Variants in RNF170 observed in about 807,000 individuals in gnomAD.
The protein encoded by RNF170 is ring finger protein 170.
Under a neutral mutation model 32.7 loss-of-function variants are expected in RNF170, and 12 were observed. The observed-to-expected ratio is 0.37, with a 90% CI of 0.24 to 0.60. The LOEUF is 0.60. Among genes scored for constraint, RNF170 ranks in the 20% least tolerant of loss-of-function variants. The pLI is 0.72. For synonymous variants in RNF170, 91 were observed against 103.6 expected (o/e 0.88, Z 0.74); for missense variants, 212 against 311.2 (o/e 0.68, Z 2.40).
chr8:42,896,802 G>C (rs1242073823), upstream of RNF170: 1 of 149,538 alleles, frequency 6.7e-6, no homozygotes, highest in Non-Finnish European at 1.5e-5. Flanking sequence ...CGGCCGGGGC[G>C]CGAGCGTGCG....
At chr8:42,860,181 C>G (rs967374086) in intron 6 of RNF170, among the ~76,000 whole-genome samples, 1 of 152,182 alleles carries the variant, frequency 6.6e-6, no homozygotes, top group Non-Finnish European at 1.5e-5. Context: ...TCTACAGAGT[C>G]TGGAGCTCAG....
downstream of RNF170, chr8:42,851,095 A>G (rs1056067022): frequency 1.4e-5 from 21 of 1,496,092 alleles, no homozygotes; most frequent in African/African-American, 2.8e-5. Flanking sequence ...TGCTTCTTCA[A>G]CCTCACTTCA....
At chr8:42,885,658 C>G (rs1805756016) in intron 2 of RNF170, among the ~76,000 whole-genome samples, 1 of 152,150 alleles carries the variant, frequency 6.6e-6, no homozygotes, top group African/African-American at 2.4e-5. Flanking sequence ...TTGCATTTCC[C>G]TGGTGATTAG....
At position 42,854,382 on chromosome 8, in the gene RNF170, T is replaced by G. The variant is rs776705116; in HGVS notation, c.*1777A>C. On this transcript the variant is annotated 3_prime_UTR_variant, in exon 7 of 7. Coordinates refer to ENST00000527424, the MANE Select transcript of RNF170 (RefSeq NM_030954.4). ...TCAGTTATTTGTTGTATGACTTCAT[T>G]CAAAAACACTTTCATCAATAGCATG... 18 of 1,287,124 alleles carry G rather than the reference T, an allele frequency of 1.4e-5. 1 individual carries two copies. The South Asian group carries it at 2.2e-4, about 16-fold the overall frequency. The allele number at this position is 1,287,124 out of a possible 1,614,324, so 79.7% of individuals were successfully genotyped here.
chr8:42,858,292 T>C (rs1365278522), intron 6 of RNF170, among the ~76,000 whole-genome samples: 2 of 152,098 alleles, frequency 1.3e-5, no homozygotes, highest in Non-Finnish European at 2.9e-5. Context: ...TCCATAACAG[T>C]TGAAATCTAT....
Position 42,893,538 on chromosome 8 carries a change from A to C in RNF170, c.-8+2946T>G, listed in dbSNP as rs941745092. Among the ~76,000 whole-genome samples, 102 of 152,254 alleles carry C rather than the reference A, an allele frequency of 6.7e-4. 1 individual carries two copies. Among genetic ancestry groups the C allele is most frequent in the African/African-American group, 2.3e-3 (94 of 41,522 alleles). ...AAGGCATTAGGTTGAACCATATCAA[A>C]CTGCCACTCTTTTTTGGGGCGGGTG... On this transcript the variant is annotated intron_variant, in intron 1 of 6. Transcript: ENST00000527424.
At chr8:42,873,644 T>C (rs1253120555) in intron 3 of RNF170, among the ~76,000 whole-genome samples, 1 of 152,200 alleles carries the variant, frequency 6.6e-6, no homozygotes, top group Non-Finnish European at 1.5e-5. Context: ...TCTACTACAT[T>C]TCATTAAGGT....
chr8:42,861,717 A>C, intron 6 of RNF170, 28 bp downstream of exon 6: 1 of 1,509,934 alleles, frequency 6.6e-7, no homozygotes, highest in Non-Finnish European at 9.2e-7. Flanking sequence ...TCTTCCTCTA[A>C]CTTTGAACAT....
chr8:42,873,201 C>T (rs1284952398), intron 3 of RNF170, among the ~76,000 whole-genome samples: 1 of 151,398 alleles, frequency 6.6e-6, no homozygotes, highest in Non-Finnish European at 1.5e-5. Flanking sequence ...AGACTAATCC[C>T]AGCAATTTGT....
chr8:42,897,096 C>G, upstream of RNF170: 1 of 1,239,104 alleles, frequency 8.1e-7, no homozygotes, highest in Non-Finnish European at 1.0e-6. Context: ...CGGTGTCTGG[C>G]CAGGCGGTAG....
chr8:42,886,167 T>A (rs756452504), intron 2 of RNF170, among the ~76,000 whole-genome samples: 12 of 151,364 alleles, frequency 7.9e-5, no homozygotes, highest in Non-Finnish European at 1.6e-4. Flanking sequence ...GAGCTTGCAG[T>A]GAGCCGAGAT....
At chr8:42,850,907 C>G (rs1166801380), downstream of RNF170, 9 of 1,551,602 alleles carry the variant, frequency 5.8e-6, no homozygotes, top group Admixed American at 2.0e-5. Flanking sequence ...CTGCATCCGA[C>G]TGTACAGGCA....
chr8:42,871,909 G>A (rs1804552621), intron 3 of RNF170, among the ~76,000 whole-genome samples: 2 of 152,198 alleles, frequency 1.3e-5, no homozygotes, highest in Non-Finnish European at 2.9e-5. Flanking sequence ...TAACGGTGCT[G>A]TCCAACAGAA....
chr8:42,861,719 T>G, intron 6 of RNF170, 26 bp downstream of exon 6: 1 of 1,525,500 alleles, frequency 6.6e-7, no homozygotes, highest in Middle Eastern at 1.7e-4. Flanking sequence ...TTCCTCTAAC[T>G]TTGAACATGC....
chr8:42,872,528 C>T (rs1024883442), intron 3 of RNF170, among the ~76,000 whole-genome samples: 6 of 152,076 alleles, frequency 3.9e-5, no homozygotes, highest in African/African-American at 1.2e-4. Flanking sequence ...CTACAACCTC[C>T]GCCTCCCGGG....
In RNF170 at chr8:42,861,427, A is replaced by G. The variant is rs373189544; in HGVS notation, c.507+318T>C. Reference sequence around the variant, plus strand: ...GCGATCATGGCTCACTATAGCCTCAACCTCCTGGGCTCAGGTGATCCTCCC... The same window carrying G: ...GCGATCATGGCTCACTATAGCCTCAGCCTCCTGGGCTCAGGTGATCCTCCC... On this transcript the variant is annotated intron_variant, in intron 6 of 6. Transcript: ENST00000527424. The G allele has an allele frequency of 9.0e-5, 25 of 277,976 alleles. No homozygotes were observed. The East Asian group carries it at 1.1e-3, about 12-fold the overall frequency. 17.2% of individuals were successfully genotyped at this position (277,976 alleles called of 1,614,324 possible). A position where few individuals can be genotyped will look rare whatever the true frequency, so the allele number is the denominator to read the frequency against.
chr8:42,884,142 G>A (rs1436445544), intron 2 of RNF170, among the ~76,000 whole-genome samples: 2 of 151,846 alleles, frequency 1.3e-5, no homozygotes, highest in African/African-American at 2.4e-5. Flanking sequence ...GTACAGTGGC[G>A]TGATCTCGGC....
chr8:42,876,800 T>G (rs1166490194), intron 2 of RNF170, among the ~76,000 whole-genome samples: 1 of 151,522 alleles, frequency 6.6e-6, no homozygotes, highest in Non-Finnish European at 1.5e-5. Flanking sequence ...GCTGGGACTA[T>G]AGCTGCACGC....
rs1380081926 is a variant in RNF170, at chr8:42,854,205, A to C, written c.*1954T>G. ...CAGACCTTTCCTCTTAGGAGTGCCT[A>C]AGCTGTCTTACTCTGATGGAGGTAT... On this transcript the variant is annotated 3_prime_UTR_variant, in exon 7 of 7. Coordinates refer to ENST00000527424, the MANE Select transcript of RNF170 (RefSeq NM_030954.4). 1 of 1,287,112 alleles carries C rather than the reference A, an allele frequency of 7.8e-7. No homozygotes were observed. The highest frequency in any genetic ancestry group is 1.5e-5 in the African/African-American group (1 of 65,782). The allele number at this position is 1,287,112 out of a possible 1,614,324, so 79.7% of individuals were successfully genotyped here.
Sources: allele counts gnomAD v4.1 joint callset (sites outside exome capture counted in the v4.1 genomes callset), GRCh38; gene constraint gnomAD v4.1.1; transcripts MANE v1.5; gene names NCBI Gene and HGNC (gene_info 2026-07-23, HGNC 2026-07-21).